The following AFG2A variants were observed in gnomAD, a reference collection of about 807,000 sequenced individuals.
AFG2A encodes the protein ATPase family gene 2 protein homolog A.
At chr4:122,962,805 T>C in the AFG2A span, among the ~76,000 whole-genome samples, 1 of 152,224 alleles carries the variant, frequency 6.6e-6, no homozygotes, top group Non-Finnish European at 1.5e-5. Context: ...TATTCAGAAT[T>C]TGACCTCTTA....
the AFG2A span, among the ~76,000 whole-genome samples, chr4:123,126,274 G>A: frequency 6.6e-6 from 1 of 151,968 alleles, no homozygotes; most frequent in Admixed American, 6.6e-5. Flanking sequence ...TTCCTTGACT[G>A]CCTGTCTTAA....
chr4:123,304,019 C>T, the AFG2A span, among the ~76,000 whole-genome samples: 1 of 151,972 alleles, frequency 6.6e-6, no homozygotes, highest in African/African-American at 2.4e-5. Flanking sequence ...AATCTGTCCT[C>T]TGAAATACTA....
the AFG2A span, among the ~76,000 whole-genome samples, chr4:123,071,283 C>G: frequency 6.6e-5 from 10 of 152,092 alleles, no homozygotes; most frequent in Non-Finnish European, 1.5e-4. Flanking sequence ...GAGTTGGAGA[C>G]CAACCTGACC....
At chr4:123,004,787 G>A in the AFG2A span, among the ~76,000 whole-genome samples, 2 of 152,296 alleles carry the variant, frequency 1.3e-5, no homozygotes, top group Middle Eastern at 3.4e-3. Flanking sequence ...GGAAGAAATT[G>A]TGTAGAATTA....
the AFG2A span, among the ~76,000 whole-genome samples, chr4:122,950,400 C>T: frequency 5.3e-5 from 8 of 149,794 alleles, no homozygotes; most frequent in East Asian, 3.9e-4. Flanking sequence ...AGCGCAATGG[C>T]GCGATCTCGG....
At chr4:122,995,501 A>G in the AFG2A span, among the ~76,000 whole-genome samples, 1 of 152,134 alleles carries the variant, frequency 6.6e-6, no homozygotes, top group African/African-American at 2.4e-5. Flanking sequence ...TGTAGTTTTA[A>G]TCTCCTTAAA....
chr4:123,261,927 AT>A, the AFG2A span, among the ~76,000 whole-genome samples: 89 of 152,100 alleles, frequency 5.9e-4, 1 homozygote, highest in Non-Finnish European at 8.7e-4. Flanking sequence ...ATAGAGGTGC[AT>A]GCCACTGTGC....
At chr4:123,261,019 G>A in the AFG2A span, among the ~76,000 whole-genome samples, 3 of 152,182 alleles carry the variant, frequency 2.0e-5, no homozygotes, top group African/African-American at 4.8e-5. Context: ...CTATGCGTGC[G>A]AGGGATCTAG....
chr4:123,096,967 GTTGT>G, the AFG2A span, among the ~76,000 whole-genome samples: 3 of 152,062 alleles, frequency 2.0e-5, no homozygotes, highest in Middle Eastern at 3.4e-3. Flanking sequence ...GTTGGGTTTT[GTTGT>G]TTGTTTGTTT....
chr4:123,288,748 G>A, the AFG2A span, among the ~76,000 whole-genome samples: 4 of 152,146 alleles, frequency 2.6e-5, no homozygotes, highest in Non-Finnish European at 5.9e-5. Context: ...TTGAAGGACT[G>A]GAGGACTGAT....
chr4:122,927,909 A>G, the AFG2A span: 310 of 1,082,848 alleles, frequency 2.9e-4, no homozygotes, highest in Non-Finnish European at 3.9e-4. Flanking sequence ...ATGCTTAGCC[A>G]GTAAACATAA....
the AFG2A span, among the ~76,000 whole-genome samples, chr4:123,218,172 T>C: frequency 3.6e-4 from 55 of 152,222 alleles, no homozygotes; most frequent in African/African-American, 1.3e-3. Context: ...AACAGTGTGG[T>C]TGTCAAGTAT....
At chr4:123,288,001 C>G in the AFG2A span, among the ~76,000 whole-genome samples, 6 of 152,068 alleles carry the variant, frequency 3.9e-5, no homozygotes, top group African/African-American at 1.4e-4. Flanking sequence ...GCCAATGTCA[C>G]TGGAGTGAAG....
chr4:123,159,565 C>T, the AFG2A span, among the ~76,000 whole-genome samples: 5 of 152,064 alleles, frequency 3.3e-5, no homozygotes, highest in Admixed American at 6.6e-5. Flanking sequence ...TACAGTAAGT[C>T]GTTGGTTAGG....
At chr4:123,091,413 G>A in the AFG2A span, among the ~76,000 whole-genome samples, 35 of 152,236 alleles carry the variant, frequency 2.3e-4, no homozygotes, top group South Asian at 6.2e-3. Flanking sequence ...CCCCAATCTT[G>A]TATCTTACTT....
At chr4:123,124,181 A>G in the AFG2A span, among the ~76,000 whole-genome samples, 1 of 152,088 alleles carries the variant, frequency 6.6e-6, no homozygotes, top group African/African-American at 2.4e-5. Context: ...ATAAAGACAC[A>G]TGCACACGTA....
the AFG2A span, among the ~76,000 whole-genome samples, chr4:122,981,137 T>C: frequency 6.6e-6 from 1 of 152,218 alleles, no homozygotes; most frequent in Admixed American, 6.5e-5. Flanking sequence ...CTAGATATTA[T>C]GTTTAAATAT....
At chr4:123,129,895 T>G in the AFG2A span, among the ~76,000 whole-genome samples, 1 of 151,920 alleles carries the variant, frequency 6.6e-6, no homozygotes, top group African/African-American at 2.4e-5. Flanking sequence ...TTATATAATC[T>G]TAATTTTATG....
At chr4:123,241,842 G>T in the AFG2A span, among the ~76,000 whole-genome samples, 11 of 152,266 alleles carry the variant, frequency 7.2e-5, no homozygotes, top group Non-Finnish European at 1.5e-4. Context: ...AAGTCAAATT[G>T]TCCCTGTCTG....
Sources: gnomAD v4.1 joint callset for allele counts (sites outside exome capture counted in the v4.1 genomes callset) on GRCh38, gnomAD v4.1.1 for gene constraint, MANE v1.5 for transcripts, NCBI Gene and HGNC (gene_info 2026-07-23, HGNC 2026-07-21) for gene names.